RERE: variants seen among roughly 807,000 people sequenced by gnomAD.
RERE encodes arginine-glutamic acid dipeptide repeats protein.
In RERE, 40 loss-of-function variants were observed where a neutral mutation model predicts 146.1. That is an observed-to-expected ratio of 0.27 (90% CI 0.21 to 0.36). The LOEUF is 0.36. Ranked by LOEUF, RERE falls within the 10% of genes least tolerant of loss-of-function variation. The probability of loss-of-function intolerance (pLI) is 1.00; values close to 1 mark genes in which losing one functional copy is unlikely to be tolerated. For missense variants in RERE, 1,933 were observed against 2,138.7 expected (o/e 0.90, Z 1.90); for synonymous variants, 1,003 against 866.0 (o/e 1.16, Z -2.78).
chr1:8,566,458 A>G (rs541126593), intron 4 of RERE, among the ~76,000 whole-genome samples: 1 of 152,212 alleles, frequency 6.6e-6, no homozygotes, highest in South Asian at 2.1e-4. Flanking sequence ...CGTCTCTACT[A>G]AAAATACAAA....
Position 8,360,793 on chromosome 1 carries a change from G to A in RERE, c.2714C>T (p.Ser905Leu). 6.3e-7 allele frequency: 1 copy of A among 1,586,394 alleles called. No homozygotes were observed. The change falls in exon 18 of 23, where the codon TCA (serine) becomes TTA (leucine). Residue 905 changes from serine (S) to leucine (L), a missense_variant. By Grantham distance (145) the Ser-to-Leu change is moderately radical (BLOSUM62 -2). Coordinates refer to ENST00000400908, the MANE Select transcript of RERE (RefSeq NM_001042681.2). ...TGGAGGCTGTTGGGACTGCAGCGCT[G>A]ACTGAGAGGCTGGCAGCTGCAGGGA... ...HTSLQLPASQ[S>L]ALQSQQPPRE...
intron 1 of RERE, among the ~76,000 whole-genome samples, chr1:8,675,592 G>A (rs1298964088): frequency 6.6e-6 from 1 of 151,868 alleles, no homozygotes; most frequent in East Asian, 1.9e-4. Flanking sequence ...GTGTGTTGGT[G>A]GGCACCTGTA....
intron 10 of RERE, among the ~76,000 whole-genome samples, chr1:8,493,607 G>A (rs756947330): frequency 2.0e-5 from 3 of 152,042 alleles, no homozygotes; most frequent in Non-Finnish European, 4.4e-5. Flanking sequence ...GAACTTTTGG[G>A]ACTGTCAGTA....
At chr1:8,781,652 C>A (rs1206714784) in intron 1 of RERE, among the ~76,000 whole-genome samples, 1 of 150,926 alleles carries the variant, frequency 6.6e-6, no homozygotes, top group Non-Finnish European at 1.5e-5. Context: ...GGGGATAATA[C>A]CTGTTACACA....
At chr1:8,525,757 A>C (rs181470239) in intron 7 of RERE, 1 of 1,598,186 alleles carries the variant, frequency 6.3e-7, no homozygotes, top group Admixed American at 1.7e-5. Context: ...AAGATAGCCT[A>C]CCTGCAGGGG....
intron 1 of RERE, among the ~76,000 whole-genome samples, chr1:8,688,359 G>A (rs1052692298): frequency 4.6e-5 from 7 of 151,958 alleles, no homozygotes; most frequent in African/African-American, 1.2e-4. Context: ...CTCAGGAGTC[G>A]AAGACCAGCC....
At chr1:8,702,823 T>C (rs1225376558) in intron 1 of RERE, among the ~76,000 whole-genome samples, 2 of 152,096 alleles carry the variant, frequency 1.3e-5, no homozygotes, top group East Asian at 3.9e-4. Context: ...ATTTCAAGAG[T>C]TTGGGGCTAC....
chr1:8,657,709 C>T (rs1024655760), intron 1 of RERE, among the ~76,000 whole-genome samples: 6 of 152,016 alleles, frequency 3.9e-5, no homozygotes, highest in Non-Finnish European at 5.9e-5. Context: ...TAGCTGGGCA[C>T]AGTGGCACAC....
At chr1:8,507,708 C>A (rs970913207) in intron 8 of RERE, among the ~76,000 whole-genome samples, 1 of 142,168 alleles carries the variant, frequency 7.0e-6, no homozygotes, top group African/African-American at 2.6e-5. Flanking sequence ...CACGCCCAGC[C>A]GGGAAAAGAG....
chr1:8,418,519 AC>A (rs1643839476), intron 12 of RERE, among the ~76,000 whole-genome samples: 2 of 152,158 alleles, frequency 1.3e-5, no homozygotes, highest in African/African-American at 4.8e-5. Flanking sequence ...CTGGACTACG[AC>A]CCAGTGCCAG....
At chr1:8,357,524 C>T (rs1037687177) in intron 20 of RERE, among the ~76,000 whole-genome samples, 2 of 152,210 alleles carry the variant, frequency 1.3e-5, no homozygotes, top group African/African-American at 2.4e-5. Flanking sequence ...ACCTGTACTC[C>T]AAGTCCCATG....
chr1:8,607,232 C>T (rs560728918), intron 4 of RERE, among the ~76,000 whole-genome samples: 73 of 151,852 alleles, frequency 4.8e-4, no homozygotes, highest in Non-Finnish European at 8.2e-4. Flanking sequence ...TGGTGGCAGG[C>T]GCCTGTATTC....
intron 10 of RERE, among the ~76,000 whole-genome samples, chr1:8,484,797 A>G (rs776258680): frequency 6.6e-6 from 1 of 152,214 alleles, no homozygotes; most frequent in Non-Finnish European, 1.5e-5. Flanking sequence ...CTACATACAA[A>G]AAGGAATACG....
At chr1:8,414,911 G>A (rs1643719918) in intron 12 of RERE, among the ~76,000 whole-genome samples, 1 of 152,018 alleles carries the variant, frequency 6.6e-6, no homozygotes, top group South Asian at 2.1e-4. Context: ...CTGGGACTGA[G>A]ACTGAGGTTA....
intron 1 of RERE, among the ~76,000 whole-genome samples, chr1:8,718,449 A>G (rs1207092530): frequency 1.3e-5 from 2 of 152,248 alleles, no homozygotes; most frequent in Non-Finnish European, 2.9e-5. Context: ...CTTCTATTTC[A>G]TGAGAAAAGA....
chr1:8,739,197 T>C (rs980724825), intron 1 of RERE, among the ~76,000 whole-genome samples: 2 of 152,198 alleles, frequency 1.3e-5, no homozygotes, highest in African/African-American at 4.8e-5. Flanking sequence ...TATAATATTA[T>C]GTAACACAAC....
At chr1:8,587,294 C>T (rs1646438343) in intron 4 of RERE, among the ~76,000 whole-genome samples, 1 of 152,186 alleles carries the variant, frequency 6.6e-6, no homozygotes, top group Non-Finnish European at 1.5e-5. Context: ...GCCTCTATTC[C>T]CAATCTGCAA....
chr1:8,536,123 C>T (rs10779703), intron 7 of RERE, among the ~76,000 whole-genome samples: 122,475 of 150,192 alleles, frequency 0.82, 50,161 homozygotes, highest in East Asian at 0.95. Context: ...AAAAAAAAAT[C>T]AGATATTTTT....
At chr1:8,628,419 T>C (rs1466307581) in intron 2 of RERE, among the ~76,000 whole-genome samples, 3 of 152,208 alleles carry the variant, frequency 2.0e-5, no homozygotes, top group Non-Finnish European at 4.4e-5. Flanking sequence ...TACACTGCTT[T>C]GACCTGATTT....
Sources: allele counts gnomAD v4.1 joint callset (sites outside exome capture counted in the v4.1 genomes callset), GRCh38; gene constraint gnomAD v4.1.1; transcripts MANE v1.5; gene names NCBI Gene and HGNC (gene_info 2026-07-23, HGNC 2026-07-21).